UNC79: variants seen among roughly 807,000 people sequenced by gnomAD.
The protein encoded by UNC79 is unc-79 subunit of NALCN channel complex.
A neutral mutation model predicts 283.1 loss-of-function variants in UNC79; 37 were observed. The observed-to-expected ratio is 0.13, with a 90% CI of 0.10 to 0.17. The LOEUF is 0.17. Among genes scored for constraint, UNC79 ranks in the 10% least tolerant of loss-of-function variants. The probability of loss-of-function intolerance (pLI) is 1.00; values close to 1 mark genes in which losing one functional copy is unlikely to be tolerated. For missense variants in UNC79, 2,272 were observed against 3,211.1 expected, an observed-to-expected ratio of 0.71 and a Z score of 7.07; for synonymous variants, 1,107 against 1,200.2, an observed-to-expected ratio of 0.92 and a Z score of 1.61.
intron 46 of UNC79, among the ~76,000 whole-genome samples, chr14:93,692,349 A>T (rs932478054): frequency 6.6e-5 from 10 of 152,214 alleles, no homozygotes; most frequent in African/African-American, 1.9e-4. Context: ...TATGAATATT[A>T]AAAAAGCAAA....
chr14:93,673,520 AGG>A, intron 41 of UNC79, 65 bp downstream of exon 44: 1 of 1,375,008 alleles, frequency 7.3e-7, no homozygotes, highest in Non-Finnish European at 1.0e-6. Context: ...AAATTAAGGG[AGG>A]TGTAGAGTGT....
At chr14:93,364,180 C>G (rs1301552913) in intron 1 of UNC79, among the ~76,000 whole-genome samples, 1 of 152,040 alleles carries the variant, frequency 6.6e-6, no homozygotes, top group African/African-American at 2.4e-5. Context: ...GTTAGTATAC[C>G]CATGCAACCA....
chr14:93,456,756 C>T (rs2056806880), intron 1 of UNC79, among the ~76,000 whole-genome samples: 2 of 152,182 alleles, frequency 1.3e-5, no homozygotes, highest in African/African-American at 2.4e-5. Flanking sequence ...CTGAGCTGGT[C>T]AGGGTGAAAG....
At chr14:93,353,715 T>G (rs1330342692) in intron 1 of UNC79, among the ~76,000 whole-genome samples, 1 of 152,218 alleles carries the variant, frequency 6.6e-6, no homozygotes, top group Non-Finnish European at 1.5e-5. Flanking sequence ...TTGCTCTTCT[T>G]CCTGTGCATT....
At chr14:93,497,010 C>A in intron 6 of UNC79, 147 bp from the exon 7 acceptor site, 1 of 822,642 alleles carries the variant, frequency 1.2e-6, no homozygotes, top group Middle Eastern at 3.7e-4. Context: ...GTGATCTAAT[C>A]TATGAAACAT....
intron 4 of UNC79, among the ~76,000 whole-genome samples, chr14:93,482,748 C>T (rs2058204928): frequency 6.6e-6 from 1 of 152,166 alleles, no homozygotes; most frequent in African/African-American, 2.4e-5. Context: ...GGGGCCAGTC[C>T]AGTAGCTTCC....
chr14:93,396,995 G>A (rs934821797), intron 1 of UNC79: 35 of 152,176 alleles, frequency 2.3e-4, no homozygotes, highest in African/African-American at 8.4e-4. Context: ...AGGTTCCTAG[G>A]AATATTTCAA....
chr14:93,406,299 T>C (rs140904236), intron 1 of UNC79, among the ~76,000 whole-genome samples: 9 of 152,292 alleles, frequency 5.9e-5, no homozygotes, highest in African/African-American at 1.7e-4. Flanking sequence ...AATCTATTAA[T>C]GAGCTGGGCA....
At chr14:93,420,051 C>T (rs1026579367) in intron 1 of UNC79, among the ~76,000 whole-genome samples, 6 of 150,598 alleles carry the variant, frequency 4.0e-5, no homozygotes, top group Admixed American at 6.6e-5. Context: ...AGAAAAGAAG[C>T]GAAGACCACA....
At chr14:93,477,434 T>A (rs547373599) in intron 3 of UNC79, 124 bp from the exon 4 acceptor site, 1 of 719,102 alleles carries the variant, frequency 1.4e-6, no homozygotes, top group East Asian at 2.9e-5. Context: ...TCATAACACT[T>A]AATAGAGATG....
intron 33 of UNC79, among the ~76,000 whole-genome samples, chr14:93,642,161 A>C (rs2069097725): frequency 6.6e-6 from 1 of 152,114 alleles, no homozygotes; most frequent in Non-Finnish European, 1.5e-5. Context: ...GCGGTGGCTC[A>C]TGCCTGTAAT....
upstream of UNC79, among the ~76,000 whole-genome samples, chr14:93,426,527 C>T (rs118126361): frequency 8.3e-3 from 1,259 of 151,406 alleles, 9 homozygotes; most frequent in Non-Finnish European, 0.012. Flanking sequence ...GTCTCACAGG[C>T]CCCAGGCTAT....
intron 1 of UNC79, among the ~76,000 whole-genome samples, chr14:93,463,389 G>T (rs2057032435): frequency 6.6e-6 from 1 of 152,146 alleles, no homozygotes; most frequent in South Asian, 2.1e-4. Context: ...ATGTGTGCAA[G>T]ACTCTTCATC....
At chr14:93,540,790 C>T (rs921237392) in exon 13 of UNC79, 1 of 1,613,362 alleles carries the variant, frequency 6.2e-7, no homozygotes, top group Non-Finnish European at 8.5e-7. Flanking sequence ...CGATGATAAA[C>T]ACGATCAGAG....
chr14:93,622,346 C>G (rs745733155), exon 30 of UNC79: 25 of 1,614,190 alleles, frequency 1.5e-5, no homozygotes, highest in Non-Finnish European at 1.9e-5. Context: ...AGGAAATAAT[C>G]AGTCAGCAGG....
At chr14:93,397,643 T>C (rs558513008) in intron 1 of UNC79, among the ~76,000 whole-genome samples, 1 of 152,200 alleles carries the variant, frequency 6.6e-6, no homozygotes, top group South Asian at 2.1e-4. Flanking sequence ...ACCCAGGAGT[T>C]TGAGATGAGC....
At chr14:93,672,341 C>A (rs2072949870) in intron 40 of UNC79, among the ~76,000 whole-genome samples, 1 of 152,160 alleles carries the variant, frequency 6.6e-6, no homozygotes, top group Non-Finnish European at 1.5e-5. Context: ...TAATGAACTA[C>A]TATTCAACCA....
Position 93,577,971 on chromosome 14 carries a change from C to T in UNC79, c.2341C>T (p.His781Tyr). 3 of 1,614,218 alleles carry T rather than the reference C, an allele frequency of 1.9e-6. No individual in the cohort carries two copies. The South Asian group carries it at 3.3e-5, about 18-fold the overall frequency. ...TCGTAGCCCTTTCAAGAATTTTGGA[C>T]ACCCAGGAGGAAGGACTATTGACTT... is the stretch of plus-strand genomic sequence containing the variant. The change falls in exon 18 of 49, where the codon CAC becomes TAC. Residue 781 changes from histidine (H) to tyrosine (Y), a missense_variant. By Grantham distance (83) the His-to-Tyr change is moderately conservative (BLOSUM62 2). This residue lies in a region of UNC79 where 356 missense variants were observed against 416.2 expected (regional missense o/e 0.86). Coordinates refer to ENST00000555664, the Ensembl canonical transcript of UNC79.
chr14:93,484,523 G>C (rs578134369), intron 4 of UNC79, among the ~76,000 whole-genome samples: 1 of 152,316 alleles, frequency 6.6e-6, no homozygotes, highest in Non-Finnish European at 1.5e-5. Context: ...ACTATTTCTG[G>C]AGGGAGGAGA....
Sources: allele counts gnomAD v4.1 joint callset (sites outside exome capture counted in the v4.1 genomes callset), GRCh38; gene constraint gnomAD v4.1.1; regional missense constraint gnomAD v4.1.1; transcripts MANE v1.5; gene names NCBI Gene and HGNC (gene_info 2026-07-23, HGNC 2026-07-21).